The following IPO9 variants were observed in gnomAD, a reference collection of about 807,000 sequenced individuals.
IPO9 encodes the protein importin 9, also known as importin-9.
A neutral mutation model predicts 128.6 loss-of-function variants in IPO9; 28 were observed. The ratio of observed to expected loss-of-function variants is 0.22; its 90% CI spans 0.16 to 0.30. The LOEUF is 0.30. Ranked by LOEUF, IPO9 falls within the 10% of genes least tolerant of loss-of-function variation. The probability of loss-of-function intolerance (pLI) is 1.00; values close to 1 mark genes in which losing one functional copy is unlikely to be tolerated. For synonymous variants in IPO9, 455 were observed against 475.8 expected, an observed-to-expected ratio of 0.96 and a Z score of 0.57; for missense variants, 935 against 1,293.9, an observed-to-expected ratio of 0.72 and a Z score of 4.26.
At chr1:201,855,274 GCTT>G in intron 9 of IPO9, 92 bp downstream of exon 9, 1 of 747,090 alleles carries the variant, frequency 1.3e-6, no homozygotes, top group South Asian at 1.6e-5. Flanking sequence ...AACTTGAGAG[GCTT>G]CACTCTATTA....
Position 201,868,810 on chromosome 1 carries a change from T to C in IPO9, c.2004+14T>C. 1 of 563,536 alleles carries C rather than the reference T, an allele frequency of 1.8e-6. No homozygotes were observed. The highest frequency in any genetic ancestry group is 3.1e-6 in the Non-Finnish European group (1 of 324,424). The allele number at this position is 563,536 out of a possible 1,614,324, so 34.9% of individuals were successfully genotyped here. A position where few individuals can be genotyped will look rare whatever the true frequency, so the allele number is the denominator to read the frequency against. ...GGGCTTTGTGCGGTAAGTGGCCGTG[T>C]GTGTGTGTGTGTGTGTGTGAGAGAG... On this transcript the variant is annotated intron_variant, in intron 16 of 23. Coordinates refer to ENST00000361565, the MANE Select transcript of IPO9 (RefSeq NM_018085.5).
In IPO9 at chr1:201,884,112, A is replaced by G. The variant is rs1055584883; in HGVS notation, c.*8058A>G. On this transcript the variant is annotated 3_prime_UTR_variant, in exon 24 of 24. Transcript: ENST00000361565. ...TCATATCTAGTTAGTGGTTCAGAGCATGGGCTCCGGAGCTAGACTGCCTGG... is the reference window on the plus strand; with the variant it reads ...TCATATCTAGTTAGTGGTTCAGAGCGTGGGCTCCGGAGCTAGACTGCCTGG... The G allele has an allele frequency of 6.6e-6, 1 of 152,236 alleles. No individual in the cohort carries two copies. The highest frequency in any genetic ancestry group is 2.4e-5 in the African/African-American group (1 of 41,464). 9.4% of individuals were successfully genotyped at this position (152,236 alleles called of 1,614,324 possible).
At chr1:201,831,885 TTTG>T (rs10646458) in intron 1 of IPO9, among the ~76,000 whole-genome samples, 12,975 of 150,684 alleles carry the variant, frequency 0.086, 681 homozygotes, top group Middle Eastern at 0.16. Context: ...GTTTTTTGCT[TTTG>T]TTGTTGTTGT....
chr1:201,865,990 A>G (rs79488563), intron 14 of IPO9, among the ~76,000 whole-genome samples: 2,648 of 152,304 alleles, frequency 0.017, 82 homozygotes, highest in African/African-American at 0.06. Context: ...TGCATCATCT[A>G]TCTACATCAT....
At chr1:201,859,277 T>C (rs1344732550) in intron 13 of IPO9, among the ~76,000 whole-genome samples, 1 of 150,540 alleles carries the variant, frequency 6.6e-6, no homozygotes, top group Non-Finnish European at 1.5e-5. Flanking sequence ...CAGATATTCT[T>C]GTGTCCTTTG....
chr1:201,855,661 T>A (rs898789491), intron 9 of IPO9, 122 bp from the exon 10 acceptor site: 10 of 859,282 alleles, frequency 1.2e-5, no homozygotes, highest in Non-Finnish European at 1.8e-5. Flanking sequence ...TCCTCAGGAA[T>A]GATCATTAGC....
chr1:201,848,509 T>C lies in IPO9; in HGVS notation c.429T>C (p.Ala143=). 2 of 1,614,224 alleles carry C rather than the reference T, an allele frequency of 1.2e-6. No individual in the cohort carries two copies. Among genetic ancestry groups the C allele is most frequent in the Non-Finnish European group, 1.7e-6 (2 of 1,180,038 alleles). Reference sequence around the variant, plus strand: ...TTGCCCACTGGGACTGGCCTGAAGCTTGGCCCCAACTCTTCAACCTGCTCA... The same window carrying C: ...TTGCCCACTGGGACTGGCCTGAAGCCTGGCCCCAACTCTTCAACCTGCTCA... ...SAIAHWDWPE[A]WPQLFNLLME... is the part of the protein sequence containing the mutation. The change falls in exon 4 of 24, where the codon GCT becomes GCC. Residue 143 remains alanine (A), a synonymous_variant. Coordinates refer to ENST00000361565, the MANE Select transcript of IPO9 (RefSeq NM_018085.5).
rs150515807 is a variant in IPO9, at chr1:201,878,406, C to G, written c.*2352C>G. Reference sequence around the variant, plus strand: ...TGGGAAGGCTTAAGGCTCCCACACACAGACTGAGAATGATGGGGGTCCCTC... The same window carrying G: ...TGGGAAGGCTTAAGGCTCCCACACAGAGACTGAGAATGATGGGGGTCCCTC... On this transcript the variant is annotated 3_prime_UTR_variant, in exon 24 of 24. Transcript: ENST00000361565. 6.5e-6 allele frequency: 1 copy of G among 152,678 alleles called. No individual in the cohort carries two copies. Among genetic ancestry groups the G allele is most frequent in the Admixed American group, 6.5e-5 (1 of 15,284 alleles). The allele number at this position is 152,678 out of a possible 1,614,324, so 9.5% of individuals were successfully genotyped here.
chr1:201,869,611 A>G lies in IPO9; in HGVS notation c.2026A>G (p.Thr676Ala), dbSNP rs750210974. Residue 676 changes from threonine (T) to alanine (A), a missense_variant, in exon 17 of 24, where the codon ACA becomes GCA. Thr to Ala is a moderately conservative substitution (Grantham distance 58, BLOSUM62 0). Around this residue, in one of 3 missense-constraint regions of IPO9, gnomAD observed 741 missense variants for 1,019.1 expected, o/e 0.73. Coordinates refer to ENST00000361565, the MANE Select transcript of IPO9 (RefSeq NM_018085.5). ...TCAGACAGCCATTGATATCCTGACAACAGTAGTACGAAATACAAAGCCTCC... is the reference window on the plus strand; with the variant it reads ...TCAGACAGCCATTGATATCCTGACAGCAGTAGTACGAAATACAAAGCCTCC... ...LCATAIDILT[T>A]VVRNTKPPLS... is the part of the protein sequence containing the mutation. 3 of 1,614,136 alleles carry G rather than the reference A, an allele frequency of 1.9e-6. No homozygotes were observed. The highest frequency in any genetic ancestry group is 1.7e-5 in the Admixed American group (1 of 60,024).
chr1:201,866,686 G>A (rs1438256834), intron 14 of IPO9, 47 bp from the exon 15 acceptor site: 1 of 1,416,878 alleles, frequency 7.1e-7, no homozygotes, highest in African/African-American at 1.4e-5. Context: ...GGGAAAACCA[G>A]GAATTGAATT....
intron 1 of IPO9, among the ~76,000 whole-genome samples, chr1:201,837,798 C>T (rs550062687): frequency 5.3e-5 from 8 of 152,248 alleles, no homozygotes; most frequent in East Asian, 3.9e-4. Context: ...AGGCCAGGCA[C>T]GGGGGCTCAT....
intron 1 of IPO9, among the ~76,000 whole-genome samples, chr1:201,842,734 C>G (rs529244716): frequency 2.6e-5 from 4 of 152,252 alleles, no homozygotes; most frequent in Non-Finnish European, 5.9e-5. Flanking sequence ...TACTAGAATC[C>G]CATTCAATAA....
At chr1:201,849,743 C>G (rs1680184406) in intron 4 of IPO9, among the ~76,000 whole-genome samples, 1 of 152,188 alleles carries the variant, frequency 6.6e-6, no homozygotes, top group South Asian at 2.1e-4. Context: ...GAATTACCCA[C>G]TATATTCGTA....
At position 201,870,900 on chromosome 1, in the gene IPO9, A is replaced by C; in HGVS notation, c.2409+42A>C. ...GAGTGGGCTTCCTACTCCCTGGCTG[A>C]TAGAAATGAAAATTCGTATTTTGGT... On this transcript the variant is annotated intron_variant, in intron 18 of 23. Coordinates refer to ENST00000361565, the MANE Select transcript of IPO9 (RefSeq NM_018085.5). This position sits in a 1 kb window ranked among gnomAD's most constrained non-coding sequence, Gnocchi z 4.9. The C allele has an allele frequency of 6.4e-7, 1 of 1,554,178 alleles. No homozygotes were observed.
intron 14 of IPO9, among the ~76,000 whole-genome samples, chr1:201,866,380 G>T (rs1433960284): frequency 6.6e-6 from 1 of 151,592 alleles, no homozygotes; most frequent in East Asian, 1.9e-4. Flanking sequence ...GGCTAATACA[G>T]TAAAACTATA....
intron 1 of IPO9, among the ~76,000 whole-genome samples, chr1:201,839,768 CAA>C (rs1680002941): frequency 6.6e-6 from 1 of 151,866 alleles, no homozygotes; most frequent in East Asian, 1.9e-4. Flanking sequence ...AAATATGACT[CAA>C]GATCCAGAGA....
chr1:201,834,470 G>A (rs150724764), intron 1 of IPO9, among the ~76,000 whole-genome samples: 1,670 of 152,064 alleles, frequency 0.011, 17 homozygotes, highest in Middle Eastern at 0.051. Context: ...TATTTTTGGT[G>A]TATTCGTGCT....
intron 1 of IPO9, among the ~76,000 whole-genome samples, chr1:201,843,984 A>G (rs1255507213): frequency 1.3e-5 from 2 of 152,172 alleles, no homozygotes; most frequent in African/African-American, 4.8e-5. Context: ...TTCCTTATAA[A>G]AGAATTCCAA....
rs762742430 is a variant in IPO9, at chr1:201,870,877, G to T, written c.2409+19G>T. ...CATGCAGGTAAGAGAGCAGTGGGGA[G>T]TGGGCTTCCTACTCCCTGGCTGATA... On this transcript the variant is annotated intron_variant, in intron 18 of 23. Coordinates refer to ENST00000361565, the MANE Select transcript of IPO9 (RefSeq NM_018085.5). The surrounding 1 kb of genome is among the most constrained non-coding windows in gnomAD (Gnocchi z 4.9). The T allele has an allele frequency of 2.9e-5, 46 of 1,591,122 alleles. No individual in the cohort carries two copies. The highest frequency in any genetic ancestry group is 1.7e-4 in the Middle Eastern group (1 of 5,972).
Sources: gnomAD v4.1 joint callset for allele counts (sites outside exome capture counted in the v4.1 genomes callset) on GRCh38, gnomAD v4.1.1 for gene constraint, gnomAD v4.1.1 regional missense constraint, Gnocchi (gnomAD v3.1) non-coding constraint, MANE v1.5 for transcripts, NCBI Gene and HGNC (gene_info 2026-07-23, HGNC 2026-07-21) for gene names.